The following SLC39A12 variants were observed in gnomAD, a reference collection of about 807,000 sequenced individuals.
SLC39A12 encodes zinc transporter ZIP12.
SLC39A12 carries 63 observed loss-of-function variants against 71.1 expected under a neutral mutation model. The observed-to-expected ratio is 0.89, with a 90% CI of 0.72 to 1.09. SLC39A12 has a LOEUF of 1.09. SLC39A12 is among the 50% of genes least tolerant of loss of function. The pLI is 0.00. For synonymous variants in SLC39A12, 351 were observed against 301.3 expected, an observed-to-expected ratio of 1.16 and a Z score of -1.71; for missense variants, 892 against 812.6, an observed-to-expected ratio of 1.10 and a Z score of -1.19.
At chr10:18,001,340 C>T (rs1835828551) in intron 11 of SLC39A12, among the ~76,000 whole-genome samples, 1 of 152,108 alleles carries the variant, frequency 6.6e-6, no homozygotes, top group South Asian at 2.1e-4. Flanking sequence ...CAGGGTAAAA[C>T]CCCGTCTCTA....
intron 7 of SLC39A12, among the ~76,000 whole-genome samples, chr10:17,988,752 G>A (rs970344010): frequency 2.0e-5 from 3 of 152,124 alleles, no homozygotes; most frequent in African/African-American, 4.8e-5. Context: ...TCCTGGCTCC[G>A]GCGTCCGCTC....
At chr10:17,989,892 C>G (rs1196880205) in intron 7 of SLC39A12, among the ~76,000 whole-genome samples, 2 of 151,502 alleles carry the variant, frequency 1.3e-5, no homozygotes, top group Non-Finnish European at 2.9e-5. Context: ...CCCTGGGCAA[C>G]AGAACGAGAC....
chr10:17,973,989 C>A (rs1219260512), intron 4 of SLC39A12, among the ~76,000 whole-genome samples: 1 of 151,412 alleles, frequency 6.6e-6, no homozygotes, highest in Non-Finnish European at 1.5e-5. Context: ...TTGATCAGTT[C>A]TGCTATTAAG....
rs370510399 is a variant in SLC39A12 at position 17,971,871 on chromosome 10, C to T, written c.752-6031C>T. On this transcript the variant is annotated intron_variant, in intron 4 of 12. Coordinates refer to ENST00000377369, the MANE Select transcript of SLC39A12 (RefSeq NM_001145195.2). ...TCTTTATTATTTCTTTGCTTCTACT[C>T]ATTTTAGGTTTGGTTTGCTCTTGCT... Among the ~76,000 whole-genome samples, 36 of 152,120 alleles carry T rather than the reference C, an allele frequency of 2.4e-4. No individual in the cohort carries two copies. In the East Asian group the frequency reaches 6.0e-3, roughly 25 times the overall value.
intron 6 of SLC39A12, 66 bp downstream of exon 6, chr10:17,981,549 A>C: frequency 1.5e-6 from 2 of 1,321,660 alleles, no homozygotes; most frequent in Non-Finnish European, 2.1e-6. Flanking sequence ...TAGTAAATGC[A>C]GGATACTTAC....
intron 12 of SLC39A12, among the ~76,000 whole-genome samples, chr10:18,029,533 T>C (rs1325715411): frequency 3.3e-5 from 5 of 152,240 alleles, no homozygotes; most frequent in Non-Finnish European, 7.3e-5. Flanking sequence ...TCCAAGTTTC[T>C]GGCAGAAATC....
At chr10:17,994,497 A>G (rs1206233094) in intron 9 of SLC39A12, among the ~76,000 whole-genome samples, 1 of 152,232 alleles carries the variant, frequency 6.6e-6, no homozygotes, top group African/African-American at 2.4e-5. Context: ...TAATGTGACA[A>G]TAAATAGCTT....
intron 5 of SLC39A12, 51 bp downstream of exon 5, chr10:17,978,125 C>T (rs1835162647): frequency 7.0e-7 from 1 of 1,437,516 alleles, no homozygotes; most frequent in Non-Finnish European, 9.3e-7. Flanking sequence ...CAAAGGAAGC[C>T]CAGCTGTGAA....
chr10:18,006,519 T>C (rs748257934), intron 12 of SLC39A12, among the ~76,000 whole-genome samples: 3 of 152,116 alleles, frequency 2.0e-5, no homozygotes, highest in Non-Finnish European at 4.4e-5. Context: ...AAGCAAGTCA[T>C]TTTGGAGGTG....
chr10:17,957,661 C>G (rs1200086161), intron 2 of SLC39A12, among the ~76,000 whole-genome samples: 1 of 152,062 alleles, frequency 6.6e-6, no homozygotes, highest in African/African-American at 2.4e-5. Context: ...ACATTAACAA[C>G]AAAACAAATC....
chr10:17,993,664 G>A (rs1230358986), intron 9 of SLC39A12, among the ~76,000 whole-genome samples: 1 of 152,228 alleles, frequency 6.6e-6, no homozygotes, highest in Non-Finnish European at 1.5e-5. Context: ...TGTGGAGCAA[G>A]GGATTACTTA....
At chr10:18,042,611 G>A (rs185856511) in intron 12 of SLC39A12, 94 bp from the exon 13 acceptor site, 1 of 1,285,540 alleles carries the variant, frequency 7.8e-7, no homozygotes, top group Non-Finnish European at 1.0e-6. Flanking sequence ...AGGTTATTAA[G>A]TTCTGAATAA....
chr10:17,961,380 C>G (rs2130778727), intron 2 of SLC39A12, among the ~76,000 whole-genome samples: 1 of 152,258 alleles, frequency 6.6e-6, no homozygotes. Context: ...AGGAATTATT[C>G]TTAGAGGAAA....
intron 6 of SLC39A12, among the ~76,000 whole-genome samples, chr10:17,982,458 T>C (rs1204646145): frequency 6.9e-6 from 1 of 144,948 alleles, no homozygotes; most frequent in East Asian, 2.0e-4. Flanking sequence ...TTCTTTCTCT[T>C]TGAGAGAGCC....
At chr10:17,967,097 G>A (rs691550) in intron 4 of SLC39A12, among the ~76,000 whole-genome samples, 101,524 of 152,044 alleles carry the variant, frequency 0.67, 34,063 homozygotes, top group African/African-American at 0.71. Flanking sequence ...TCTTTTATAC[G>A]TGTCACACTT....
At chr10:17,975,224 C>T (rs1042561288) in intron 4 of SLC39A12, among the ~76,000 whole-genome samples, 11 of 151,188 alleles carry the variant, frequency 7.3e-5, no homozygotes, top group African/African-American at 2.2e-4. Flanking sequence ...CCTGGAATCT[C>T]AGGCCCCCCA....
chr10:18,031,655 A>G (rs1836852778), intron 12 of SLC39A12, among the ~76,000 whole-genome samples: 1 of 122,504 alleles, frequency 8.2e-6, no homozygotes, highest in African/African-American at 3.1e-5. Flanking sequence ...TAGTTTAATT[A>G]GATCCCATTT....
At chr10:18,003,074 C>A in intron 11 of SLC39A12, 97 bp from the exon 12 acceptor site, 1 of 1,080,612 alleles carries the variant, frequency 9.3e-7, no homozygotes, top group Non-Finnish European at 1.3e-6. Context: ...AAAATTGGTT[C>A]CAGTGCTGAC....
At chr10:17,989,624 G>T (rs1485068271) in intron 7 of SLC39A12, among the ~76,000 whole-genome samples, 1 of 151,970 alleles carries the variant, frequency 6.6e-6, no homozygotes, top group African/African-American at 2.4e-5. Flanking sequence ...TTTTGCTTAA[G>T]GAAAGAGACA....
Sources: gnomAD v4.1 joint callset for allele counts (sites outside exome capture counted in the v4.1 genomes callset) on GRCh38, gnomAD v4.1.1 for gene constraint, MANE v1.5 for transcripts, NCBI Gene and HGNC (gene_info 2026-07-23, HGNC 2026-07-21) for gene names.